Variants in PPP2R2A observed in about 807,000 individuals in gnomAD.
PPP2R2A encodes serine/threonine-protein phosphatase 2A 55 kDa regulatory subunit B alpha isoform.
Under a neutral mutation model 53.2 loss-of-function variants are expected in PPP2R2A, and 9 were observed. The ratio of observed to expected loss-of-function variants is 0.17; its 90% CI spans 0.10 to 0.30. The LOEUF is 0.30. PPP2R2A is among the 10% of genes least tolerant of loss of function. PPP2R2A has a pLI of 1.00. For synonymous variants in PPP2R2A, 169 were observed against 174.2 expected (o/e 0.97, Z 0.23); for missense variants, 235 against 534.6 (o/e 0.44, Z 5.53).
At chr8:26,310,206 G>C (rs1451428907) in intron 2 of PPP2R2A, among the ~76,000 whole-genome samples, 2 of 140,402 alleles carry the variant, frequency 1.4e-5, no homozygotes, top group African/African-American at 2.7e-5. Context: ...ATTTGAACCC[G>C]GGAGGCGGAG....
At chr8:26,363,514 A>C in intron 7 of PPP2R2A, 1 of 456,868 alleles carries the variant, frequency 2.2e-6, no homozygotes, top group South Asian at 4.8e-5. Flanking sequence ...AGTATACTGC[A>C]TACTTATGCA....
chr8:26,314,888 T>TTTC (rs1563291388), intron 2 of PPP2R2A, among the ~76,000 whole-genome samples: 1 of 65,794 alleles, frequency 1.5e-5, no homozygotes, highest in African/African-American at 6.6e-5. Flanking sequence ...TTTTTTCCCT[T>TTTC]CCCCCCCCCC....
At position 26,321,382 on chromosome 8, in the gene PPP2R2A, G is replaced by A. The variant is rs1279729108; in HGVS notation, c.83-17508G>A. ...AGGCTGCCTTCTTTGTCAGGCAGCC[G>A]CTTAAGGTGGCCCCAGTGATCCCTG... is the stretch of plus-strand genomic sequence containing the variant. On this transcript the variant is annotated intron_variant, in intron 2 of 9. Coordinates refer to ENST00000380737, the MANE Select transcript of PPP2R2A (RefSeq NM_002717.4). The surrounding 1 kb of genome is among the most constrained non-coding windows in gnomAD (Gnocchi z 4.1). 2.0e-5 allele frequency among the ~76,000 whole-genome samples: 3 copies of A among 152,154 alleles called. No homozygotes were observed. The highest frequency in any genetic ancestry group is 1.9e-4 in the East Asian group (1 of 5,192).
chr8:26,339,095 G>A (rs1223018578), intron 3 of PPP2R2A, 108 bp downstream of exon 3: 9 of 829,488 alleles, frequency 1.1e-5, no homozygotes, highest in Non-Finnish European at 1.2e-5. Flanking sequence ...AAAGAAGTGT[G>A]TGTTTATTGA....
intron 2 of PPP2R2A, chr8:26,333,464 C>T (rs1303672556): frequency 1.2e-5 from 14 of 1,153,024 alleles, no homozygotes; most frequent in Non-Finnish European, 1.6e-5. Flanking sequence ...ACCCTCTTTG[C>T]ACTTTGATTA....
chr8:26,322,263 A>G (rs1802876169), intron 2 of PPP2R2A, among the ~76,000 whole-genome samples: 1 of 152,226 alleles, frequency 6.6e-6, no homozygotes, highest in South Asian at 2.1e-4. Flanking sequence ...ATACAATGGG[A>G]AAAAGAAGTT....
chr8:26,344,844 C>T (rs1804130398), intron 3 of PPP2R2A, among the ~76,000 whole-genome samples: 1 of 152,132 alleles, frequency 6.6e-6, no homozygotes, highest in Non-Finnish European at 1.5e-5. Context: ...GTGAGTATCC[C>T]TTATCTGAAA....
chr8:26,357,115 G>C (rs548574286), intron 4 of PPP2R2A, among the ~76,000 whole-genome samples: 1 of 152,164 alleles, frequency 6.6e-6, no homozygotes, highest in Non-Finnish European at 1.5e-5. Context: ...TGTTGTGTCT[G>C]GGTAGATGGG....
intron 2 of PPP2R2A, among the ~76,000 whole-genome samples, chr8:26,319,948 C>T (rs1802750024): frequency 6.6e-6 from 1 of 151,910 alleles, no homozygotes; most frequent in South Asian, 2.1e-4. Flanking sequence ...CTCTTAAGTT[C>T]CTTTTTGGGT....
intron 2 of PPP2R2A, among the ~76,000 whole-genome samples, chr8:26,331,898 A>G (rs879664215): frequency 6.6e-6 from 1 of 152,200 alleles, no homozygotes; most frequent in African/African-American, 2.4e-5. Context: ...CAATGTTTAG[A>G]GTGTTTTATG....
chr8:26,351,463 G>C (rs985919827), intron 3 of PPP2R2A, among the ~76,000 whole-genome samples: 6 of 152,168 alleles, frequency 3.9e-5, no homozygotes, highest in Non-Finnish European at 1.5e-5. Context: ...TGTGTGCCTA[G>C]TGCTCAACAT....
At chr8:26,352,895 G>C (rs1037325928) in intron 3 of PPP2R2A, among the ~76,000 whole-genome samples, 6 of 152,098 alleles carry the variant, frequency 3.9e-5, no homozygotes, top group African/African-American at 1.4e-4. Flanking sequence ...AAAGTTTGAC[G>C]TACACAAGTT....
intron 2 of PPP2R2A, among the ~76,000 whole-genome samples, chr8:26,307,956 C>T (rs867908480): frequency 6.6e-6 from 1 of 152,164 alleles, no homozygotes; most frequent in Admixed American, 6.5e-5. Context: ...TATAGGCATA[C>T]GTCAGAAATA....
At chr8:26,296,514 C>T (rs1243281775) in intron 2 of PPP2R2A, among the ~76,000 whole-genome samples, 1 of 152,210 alleles carries the variant, frequency 6.6e-6, no homozygotes, top group Non-Finnish European at 1.5e-5. Flanking sequence ...AACCTTTTTG[C>T]TAATTTCCTC....
At chr8:26,316,985 T>C (rs1802591150) in intron 2 of PPP2R2A, among the ~76,000 whole-genome samples, 1 of 152,220 alleles carries the variant, frequency 6.6e-6, no homozygotes. Flanking sequence ...CAGTTTTCCA[T>C]TGGGAAGATG....
At chr8:26,322,261 G>C (rs1802876005) in intron 2 of PPP2R2A, among the ~76,000 whole-genome samples, 1 of 152,110 alleles carries the variant, frequency 6.6e-6, no homozygotes, top group Non-Finnish European at 1.5e-5. Flanking sequence ...CAATACAATG[G>C]GAAAAAGAAG....
At position 26,343,106 on chromosome 8, in the gene PPP2R2A, G is replaced by A. The variant is rs548067589; in HGVS notation, c.180+4119G>A. Among the ~76,000 whole-genome samples, 76 of 151,996 alleles carry A rather than the reference G, an allele frequency of 5.0e-4. 1 individual carries two copies. Among genetic ancestry groups the A allele is most frequent in the African/African-American group, 1.6e-3 (68 of 41,472 alleles). ...TGAGGATCACTTGAACCTAGGAGGCGGAGGTTGCAGTGAGCTGAGATGGTG... is the reference window on the plus strand; with the variant it reads ...TGAGGATCACTTGAACCTAGGAGGCAGAGGTTGCAGTGAGCTGAGATGGTG... On this transcript the variant is annotated intron_variant, in intron 3 of 9. Transcript: ENST00000380737.
chr8:26,342,682 CT>C (rs1804002140), intron 3 of PPP2R2A, among the ~76,000 whole-genome samples: 1 of 151,968 alleles, frequency 6.6e-6, no homozygotes, highest in Non-Finnish European at 1.5e-5. Flanking sequence ...GGTATGGGGC[CT>C]TTGATTTTTG....
chr8:26,330,788 G>A (rs1233553170), intron 2 of PPP2R2A, among the ~76,000 whole-genome samples: 1 of 152,134 alleles, frequency 6.6e-6, no homozygotes, highest in Admixed American at 6.5e-5. Flanking sequence ...GGTAATTTCG[G>A]ATTGGAAACC....
Sources: gnomAD v4.1 joint callset for allele counts (sites outside exome capture counted in the v4.1 genomes callset) on GRCh38, gnomAD v4.1.1 for gene constraint, Gnocchi (gnomAD v3.1) non-coding constraint, MANE v1.5 for transcripts, NCBI Gene and HGNC (gene_info 2026-07-23, HGNC 2026-07-21) for gene names.